The following CALN1 variants were observed in gnomAD, a reference collection of about 807,000 sequenced individuals.
CALN1 encodes the protein calneuron 1.
In CALN1, 17 loss-of-function variants were observed where a neutral mutation model predicts 30.6. The observed-to-expected ratio is 0.56, with a 90% CI of 0.38 to 0.83. The LOEUF is 0.83. Among genes scored for constraint, CALN1 ranks in the 40% least tolerant of loss-of-function variants. The pLI, the probability that CALN1 is intolerant of heterozygous loss-of-function variation, is 0.00. For missense variants in CALN1, 291 were observed against 354.9 expected, an observed-to-expected ratio of 0.82 and a Z score of 1.45; for synonymous variants, 156 against 131.4, an observed-to-expected ratio of 1.19 and a Z score of -1.28.
intron 5 of CALN1, among the ~76,000 whole-genome samples, chr7:71,820,702 G>T (rs1788537292): frequency 6.6e-6 from 1 of 152,130 alleles, no homozygotes; most frequent in Admixed American, 6.5e-5. Context: ...AACAGAGCTT[G>T]GTTTTATCTG....
chr7:72,148,421 G>GA (rs1554455390), intron 3 of CALN1, among the ~76,000 whole-genome samples: 7 of 90,062 alleles, frequency 7.8e-5, no homozygotes, highest in African/African-American at 1.2e-4. Context: ...GTAAAAAAAA[G>GA]AAAAAAAAGA....
chr7:72,313,582 A>G (rs1349301866), intron 2 of CALN1, among the ~76,000 whole-genome samples: 1 of 151,908 alleles, frequency 6.6e-6, no homozygotes, highest in East Asian at 1.9e-4. Context: ...TTTTGTAGAG[A>G]TGGGGTCTCA....
chr7:71,865,555 T>C (rs1339208989), intron 5 of CALN1, among the ~76,000 whole-genome samples: 4 of 152,254 alleles, frequency 2.6e-5, no homozygotes, highest in Admixed American at 2.6e-4. Context: ...AAGCCTTATC[T>C]GGTTCTTCCC....
chr7:72,246,238 T>C lies in CALN1; in HGVS notation c.244+32448A>G, dbSNP rs530169764. On this transcript the variant is annotated intron_variant, in intron 3 of 6. Coordinates refer to ENST00000395275, the MANE Select transcript of CALN1 (RefSeq NM_031468.4). Reference sequence around the variant, plus strand: ...AACACCCCCTTTTTCCTCTCTCAGATAGAACTGAGGTTTCTTTCTTTGGCA... The same window carrying C: ...AACACCCCCTTTTTCCTCTCTCAGACAGAACTGAGGTTTCTTTCTTTGGCA... Among the ~76,000 whole-genome samples, 66 of 152,326 alleles carry C rather than the reference T, an allele frequency of 4.3e-4. No individual in the cohort carries two copies. The South Asian group carries it at 5.4e-3, about 12-fold the overall frequency.
At chr7:72,351,138 AT>A in intron 2 of CALN1, among the ~76,000 whole-genome samples, 1 of 151,998 alleles carries the variant, frequency 6.6e-6, no homozygotes, top group Non-Finnish European at 1.5e-5. Context: ...TCTCAAAAAA[AT>A]AAACAAATAA....
intron 2 of CALN1, among the ~76,000 whole-genome samples, chr7:72,365,864 C>T (rs962765402): frequency 9.2e-5 from 14 of 152,072 alleles, no homozygotes; most frequent in African/African-American, 3.4e-4. Flanking sequence ...GAAAACGTAC[C>T]CTCTCGCCCA....
At chr7:72,456,569 C>T in the CALN1 span, among the ~76,000 whole-genome samples, 7,380 of 151,908 alleles carry the variant, frequency 0.049, 214 homozygotes, top group African/African-American at 0.061. Context: ...AAAGATCCCT[C>T]AGCCAGGCAT....
At chr7:71,890,295 C>G (rs1461395823) in intron 5 of CALN1, among the ~76,000 whole-genome samples, 1 of 152,102 alleles carries the variant, frequency 6.6e-6, no homozygotes, top group Non-Finnish European at 1.5e-5. Context: ...GAACAGAACC[C>G]AAGACGGGCA....
At chr7:71,993,330 A>ATGG (rs986396638) in intron 5 of CALN1, among the ~76,000 whole-genome samples, 1 of 152,068 alleles carries the variant, frequency 6.6e-6, no homozygotes, top group East Asian at 1.9e-4. Context: ...CTCTTAGTGG[A>ATGG]TGGTGTGTGC....
At chr7:72,337,477 G>A (rs1323010678) in intron 2 of CALN1, 1 of 174,920 alleles carries the variant, frequency 5.7e-6, no homozygotes. Flanking sequence ...GCAGACACGC[G>A]GGGGGCGAGC....
intron 6 of CALN1, among the ~76,000 whole-genome samples, chr7:71,809,417 T>TCTATGTGAC (rs1218727514): frequency 2.3e-5 from 3 of 132,984 alleles, no homozygotes; most frequent in African/African-American, 8.5e-5. Flanking sequence ...CCTTCTAGTG[T>TCTATGTGAC]CTATGTGACA....
intron 2 of CALN1, among the ~76,000 whole-genome samples, chr7:72,369,305 A>G (rs867656203): frequency 6.8e-6 from 1 of 146,908 alleles, no homozygotes; most frequent in Admixed American, 6.9e-5. Flanking sequence ...ATATTTATAT[A>G]TTTATAAATA....
chr7:71,938,573 G>A (rs372201790), intron 5 of CALN1, among the ~76,000 whole-genome samples: 1 of 152,070 alleles, frequency 6.6e-6, no homozygotes, highest in African/African-American at 2.4e-5. Context: ...GAGGTGGGCA[G>A]ATCACGAGGT....
At chr7:72,198,128 T>C (rs1791161510) in intron 3 of CALN1, among the ~76,000 whole-genome samples, 1 of 152,148 alleles carries the variant, frequency 6.6e-6, no homozygotes, top group African/African-American at 2.4e-5. Context: ...AGAATGGCCT[T>C]CTCAATAGTT....
chr7:71,873,367 TAC>T (rs754937925), intron 5 of CALN1, among the ~76,000 whole-genome samples: 49 of 152,222 alleles, frequency 3.2e-4, no homozygotes, highest in Non-Finnish European at 5.4e-4. Flanking sequence ...TGCCTATACA[TAC>T]AGTCATCATG....
At chr7:71,875,339 C>G (rs908034684) in intron 5 of CALN1, among the ~76,000 whole-genome samples, 3 of 152,064 alleles carry the variant, frequency 2.0e-5, no homozygotes, top group Admixed American at 1.3e-4. Flanking sequence ...CCACCAGATA[C>G]CAGGGATCAG....
At chr7:72,045,758 G>T (rs995621608) in intron 4 of CALN1, among the ~76,000 whole-genome samples, 1 of 152,098 alleles carries the variant, frequency 6.6e-6, no homozygotes, top group Non-Finnish European at 1.5e-5. Context: ...CCAACACTTT[G>T]GGAGGCAGAG....
At chr7:72,108,681 C>G (rs1807346072) in intron 3 of CALN1, among the ~76,000 whole-genome samples, 1 of 152,178 alleles carries the variant, frequency 6.6e-6, no homozygotes, top group Admixed American at 6.5e-5. Flanking sequence ...CATTCCTTCC[C>G]TATGATATAT....
chr7:72,392,230 C>T (rs1225214291), intron 2 of CALN1, among the ~76,000 whole-genome samples: 1 of 152,184 alleles, frequency 6.6e-6, no homozygotes, highest in Non-Finnish European at 1.5e-5. Context: ...ATGTCAGCCC[C>T]CAGCCATCTG....
Sources: allele counts gnomAD v4.1 joint callset (sites outside exome capture counted in the v4.1 genomes callset), GRCh38; gene constraint gnomAD v4.1.1; transcripts MANE v1.5; gene names NCBI Gene and HGNC (gene_info 2026-07-23, HGNC 2026-07-21).